The following TENM3 variants were observed in gnomAD, a reference collection of about 807,000 sequenced individuals.
The protein encoded by TENM3 is teneurin transmembrane protein 3.
A neutral mutation model predicts 255.1 loss-of-function variants in TENM3; 63 were observed. The observed-to-expected ratio is 0.25, with a 90% CI of 0.20 to 0.30. The LOEUF is 0.30. Among genes scored for constraint, TENM3 ranks in the 10% least tolerant of loss-of-function variants. The pLI, the probability that TENM3 is intolerant of heterozygous loss-of-function variation, is 1.00. For synonymous variants in TENM3, 1,306 were observed against 1,322.3 expected (o/e 0.99, Z 0.27); for missense variants, 2,929 against 3,461.1 (o/e 0.85, Z 3.86).
chr4:181,969,190 G>A, the TENM3 span, among the ~76,000 whole-genome samples: 6 of 152,174 alleles, frequency 3.9e-5, no homozygotes, highest in East Asian at 1.9e-4. Context: ...TGCCAAACAC[G>A]TTACAAATGT....
At chr4:182,534,946 C>A (rs1339059804) in intron 3 of TENM3, among the ~76,000 whole-genome samples, 1 of 152,166 alleles carries the variant, frequency 6.6e-6, no homozygotes. Flanking sequence ...CTATGTAGCA[C>A]CTTGTCCAAG....
intron 3 of TENM3, among the ~76,000 whole-genome samples, chr4:182,590,963 G>A (rs1156321597): frequency 6.6e-6 from 1 of 152,078 alleles, no homozygotes; most frequent in African/African-American, 2.4e-5. Context: ...TCTTCCCTCT[G>A]CTTTTGGCTT....
intron 13 of TENM3, among the ~76,000 whole-genome samples, chr4:182,716,001 C>T (rs1484172700): frequency 6.6e-6 from 1 of 152,160 alleles, no homozygotes; most frequent in Non-Finnish European, 1.5e-5. Context: ...CACAGCTTTT[C>T]CTGCTTAATA....
At chr4:182,413,438 G>A (rs1056417212) in intron 3 of TENM3, among the ~76,000 whole-genome samples, 4 of 152,100 alleles carry the variant, frequency 2.6e-5, no homozygotes, top group African/African-American at 9.7e-5. Flanking sequence ...CCAACATGGC[G>A]AAACCCTGTC....
At chr4:182,749,281 T>C (rs978562596) in intron 19 of TENM3, among the ~76,000 whole-genome samples, 2 of 152,194 alleles carry the variant, frequency 1.3e-5, no homozygotes, top group African/African-American at 4.8e-5. Flanking sequence ...TAGGATATTA[T>C]AAACTGCTGT....
the TENM3 span, among the ~76,000 whole-genome samples, chr4:181,974,104 G>A: frequency 6.6e-6 from 1 of 152,224 alleles, no homozygotes; most frequent in Admixed American, 6.5e-5. Context: ...GAGCCACTCA[G>A]TAGAGACTGC....
intron 3 of TENM3, among the ~76,000 whole-genome samples, chr4:182,589,309 T>A (rs2152383135): frequency 6.6e-6 from 1 of 152,318 alleles, no homozygotes; most frequent in East Asian, 1.9e-4. Context: ...GTACTCTCTA[T>A]AATTGTGTCT....
chr4:182,582,714 C>T (rs184487167), intron 3 of TENM3, among the ~76,000 whole-genome samples: 367 of 152,116 alleles, frequency 2.4e-3, no homozygotes, highest in African/African-American at 8.4e-3. Flanking sequence ...TTGTTTTAGA[C>T]TCGATATGGA....
upstream of TENM3, among the ~76,000 whole-genome samples, chr4:182,239,508 T>C (rs562627536): frequency 6.6e-6 from 1 of 152,366 alleles, no homozygotes; most frequent in East Asian, 1.9e-4. Context: ...AGAAACTTAC[T>C]AAAATACTAC....
chr4:182,448,038 G>A (rs1255182925), intron 3 of TENM3, among the ~76,000 whole-genome samples: 2 of 152,256 alleles, frequency 1.3e-5, no homozygotes, highest in African/African-American at 2.4e-5. Flanking sequence ...CACCACATGA[G>A]CTATTCCGGA....
the TENM3 span, among the ~76,000 whole-genome samples, chr4:181,737,492 G>A: frequency 0.019 from 2,816 of 152,096 alleles, 46 homozygotes; most frequent in Middle Eastern, 0.12. Flanking sequence ...GGTCAATGTC[G>A]CTGGAAGATG....
At chr4:182,626,605 G>T (rs1270737336) in intron 4 of TENM3, among the ~76,000 whole-genome samples, 1 of 151,994 alleles carries the variant, frequency 6.6e-6, no homozygotes, top group Non-Finnish European at 1.5e-5. Flanking sequence ...GTGAAGTCTG[G>T]CTTTGAACTC....
intron 5 of TENM3, among the ~76,000 whole-genome samples, chr4:182,646,813 A>G (rs1752791015): frequency 6.6e-6 from 1 of 152,172 alleles, no homozygotes; most frequent in Admixed American, 6.6e-5. Flanking sequence ...GAAAGATTTT[A>G]GTACAGTAAT....
chr4:181,837,015 A>G, the TENM3 span, among the ~76,000 whole-genome samples: 4 of 152,220 alleles, frequency 2.6e-5, no homozygotes, highest in South Asian at 8.3e-4. Context: ...GCTATTGTGA[A>G]TAGTGTATTT....
chr4:181,674,016 G>T, the TENM3 span, among the ~76,000 whole-genome samples: 2 of 152,116 alleles, frequency 1.3e-5, no homozygotes, highest in African/African-American at 4.8e-5. Flanking sequence ...GGGGAAAGGG[G>T]ATAGGGTCTG....
intron 4 of TENM3, among the ~76,000 whole-genome samples, chr4:182,625,549 C>T (rs936205470): frequency 2.6e-5 from 4 of 152,140 alleles, no homozygotes; most frequent in Admixed American, 1.3e-4. Flanking sequence ...GTGCCAAAAA[C>T]GTTGGGGACC....
At chr4:181,736,770 C>A in the TENM3 span, among the ~76,000 whole-genome samples, 1 of 152,016 alleles carries the variant, frequency 6.6e-6, no homozygotes, top group Non-Finnish European at 1.5e-5. Context: ...CTCACTGTTT[C>A]ATAACCCCCC....
chr4:181,596,346 C>T, the TENM3 span, among the ~76,000 whole-genome samples: 1 of 152,156 alleles, frequency 6.6e-6, no homozygotes, highest in South Asian at 2.1e-4. Flanking sequence ...TGTTTGTAAA[C>T]TGATTCCAAA....
At chr4:182,475,706 C>T (rs992973056) in intron 3 of TENM3, among the ~76,000 whole-genome samples, 6 of 152,174 alleles carry the variant, frequency 3.9e-5, no homozygotes, top group Non-Finnish European at 8.8e-5. Flanking sequence ...TAGTAGCAAG[C>T]TCACACTCGG....
Sources: gnomAD v4.1 joint callset for allele counts (sites outside exome capture counted in the v4.1 genomes callset) on GRCh38, gnomAD v4.1.1 for gene constraint, MANE v1.5 for transcripts, NCBI Gene and HGNC (gene_info 2026-07-23, HGNC 2026-07-21) for gene names.